KCNQ3: variants seen among roughly 807,000 people sequenced by gnomAD.
KCNQ3 encodes the protein potassium voltage-gated channel subfamily Q member 3.
KCNQ3 carries 30 observed loss-of-function variants against 92.5 expected under a neutral mutation model. The ratio of observed to expected loss-of-function variants is 0.32; its 90% confidence interval spans 0.24 to 0.44. The LOEUF (loss-of-function observed/expected upper bound fraction) is 0.44, where lower values mean the gene tolerates loss of function less well. Ranked by LOEUF, KCNQ3 falls within the 20% of genes least tolerant of loss-of-function variation. The pLI is 1.00. For missense variants in KCNQ3, 913 were observed against 1,140.3 expected, an observed-to-expected ratio of 0.80 and a Z score of 2.87; for synonymous variants, 450 against 468.8, an observed-to-expected ratio of 0.96 and a Z score of 0.52.
chr8:132,350,929 A>T (rs1182127001), intron 1 of KCNQ3, among the ~76,000 whole-genome samples: 1 of 152,114 alleles, frequency 6.6e-6, no homozygotes, highest in Non-Finnish European at 1.5e-5. Context: ...TCGTGTGGCT[A>T]ATGACAGGAA....
intron 1 of KCNQ3, among the ~76,000 whole-genome samples, chr8:132,415,939 G>A (rs562393775): frequency 1.3e-5 from 2 of 152,306 alleles, no homozygotes; most frequent in South Asian, 2.1e-4. Context: ...ATGTGCATGA[G>A]AGCCCATCTG....
At chr8:132,221,340 A>ATG (rs1814226098) in intron 1 of KCNQ3, among the ~76,000 whole-genome samples, 1 of 152,190 alleles carries the variant, frequency 6.6e-6, no homozygotes, top group African/African-American at 2.4e-5. Flanking sequence ...CAGTAATGGG[A>ATG]GCACTGGGTC....
intron 1 of KCNQ3, among the ~76,000 whole-genome samples, chr8:132,189,245 C>T (rs1827084322): frequency 6.6e-6 from 1 of 152,230 alleles, no homozygotes; most frequent in African/African-American, 2.4e-5. Context: ...GCCTCCAGAG[C>T]CTTCCCTGAC....
intron 1 of KCNQ3, among the ~76,000 whole-genome samples, chr8:132,329,274 T>A (rs1477046751): frequency 6.6e-6 from 1 of 152,150 alleles, no homozygotes; most frequent in Non-Finnish European, 1.5e-5. Flanking sequence ...CACCCCCAAG[T>A]GCTGTTCAGC....
At chr8:132,317,570 C>T (rs766133138) in intron 1 of KCNQ3, among the ~76,000 whole-genome samples, 20 of 152,140 alleles carry the variant, frequency 1.3e-4, no homozygotes, top group Non-Finnish European at 1.5e-4. Context: ...TCCAGTCCCA[C>T]GTTGAGAAGC....
At chr8:132,176,459 A>G (rs17654072) in intron 4 of KCNQ3, among the ~76,000 whole-genome samples, 7,783 of 152,294 alleles carry the variant, frequency 0.051, 315 homozygotes, top group Non-Finnish European at 0.074. Flanking sequence ...GAAGAAAGGC[A>G]AGGTTATTGG....
intron 9 of KCNQ3, among the ~76,000 whole-genome samples, chr8:132,149,437 C>G (rs767056537): frequency 6.6e-6 from 1 of 152,206 alleles, no homozygotes; most frequent in South Asian, 2.1e-4. Flanking sequence ...TTCAAAGTGT[C>G]TGCATGCCTA....
intron 1 of KCNQ3, among the ~76,000 whole-genome samples, chr8:132,401,526 C>T (rs2721902): frequency 0.56 from 85,482 of 151,882 alleles, 25,692 homozygotes; most frequent in South Asian, 0.73. Flanking sequence ...CAGTCATGTG[C>T]CACCACGCCC....
rs926270340 is a variant in KCNQ3, at chr8:132,288,523, T to C, written c.387-102342A>G. On this transcript the variant is annotated intron_variant, in intron 1 of 14. Coordinates refer to ENST00000388996, the MANE Select transcript of KCNQ3 (RefSeq NM_004519.4). ...ACATTTGCCCATGCTGTGCCAGCTG[T>C]TTAAAATGCCTCTCCTTCCCCCTCT... Among the ~76,000 whole-genome samples the C allele has an allele frequency of 1.2e-4, 18 of 152,204 alleles. No individual in the cohort carries two copies. The East Asian group carries it at 2.5e-3, about 21-fold the overall frequency.
chr8:132,354,272 C>G (rs1818954192), intron 1 of KCNQ3, among the ~76,000 whole-genome samples: 1 of 152,138 alleles, frequency 6.6e-6, no homozygotes, highest in Admixed American at 6.5e-5. Context: ...GTCTCCACCC[C>G]CATAGGTAGA....
chr8:132,317,177 C>T (rs1749879820), intron 1 of KCNQ3, among the ~76,000 whole-genome samples: 1 of 152,182 alleles, frequency 6.6e-6, no homozygotes, highest in Admixed American at 6.5e-5. Context: ...CCTATTGTAA[C>T]TGTTTAATAA....
intron 1 of KCNQ3, among the ~76,000 whole-genome samples, chr8:132,192,134 C>T (rs1827179234): frequency 6.6e-6 from 1 of 152,120 alleles, no homozygotes; most frequent in Non-Finnish European, 1.5e-5. Flanking sequence ...CTTCGCCAAC[C>T]ACCAAAATGC....
At chr8:132,340,624 GA>G (rs1464711705) in intron 1 of KCNQ3, among the ~76,000 whole-genome samples, 1 of 152,016 alleles carries the variant, frequency 6.6e-6, no homozygotes, top group Non-Finnish European at 1.5e-5. Flanking sequence ...GGTGGTGGGG[GA>G]TGGAGGCAAG....
intron 1 of KCNQ3, among the ~76,000 whole-genome samples, chr8:132,200,178 A>G (rs952669901): frequency 6.6e-6 from 1 of 152,228 alleles, no homozygotes; most frequent in Non-Finnish European, 1.5e-5. Flanking sequence ...GTTTATATCT[A>G]TATCATATCC....
At chr8:132,195,843 C>G (rs62519630) in intron 1 of KCNQ3, among the ~76,000 whole-genome samples, 5,595 of 152,200 alleles carry the variant, frequency 0.037, 165 homozygotes, top group Non-Finnish European at 0.055. Context: ...CAAACAGGAG[C>G]CAAACTAGAG....
intron 1 of KCNQ3, among the ~76,000 whole-genome samples, chr8:132,342,105 C>T (rs746393694): frequency 1.3e-5 from 2 of 152,076 alleles, no homozygotes; most frequent in Admixed American, 6.5e-5. Context: ...TCCACTGTTG[C>T]TCATGGTCAG....
At chr8:132,310,778 G>T (rs1817571674) in intron 1 of KCNQ3, among the ~76,000 whole-genome samples, 1 of 152,184 alleles carries the variant, frequency 6.6e-6, no homozygotes, top group South Asian at 2.1e-4. Context: ...AGGGTTAAAA[G>T]AGAATTTGCC....
At chr8:132,164,128 G>A (rs571668839) in intron 8 of KCNQ3, among the ~76,000 whole-genome samples, 1 of 152,094 alleles carries the variant, frequency 6.6e-6, no homozygotes, top group South Asian at 2.1e-4. Flanking sequence ...ATGACTCCAA[G>A]CCTTTTCTCA....
At chr8:132,382,456 C>T (rs1819778206) in intron 1 of KCNQ3, among the ~76,000 whole-genome samples, 1 of 152,184 alleles carries the variant, frequency 6.6e-6, no homozygotes, top group Non-Finnish European at 1.5e-5. Flanking sequence ...TGAGGCTTCA[C>T]CGAAGCCAAG....
Sources: allele counts gnomAD v4.1 joint callset (sites outside exome capture counted in the v4.1 genomes callset), GRCh38; gene constraint gnomAD v4.1.1; transcripts MANE v1.5; gene names NCBI Gene and HGNC (gene_info 2026-07-23, HGNC 2026-07-21).